SMARCA4: variants seen among roughly 807,000 people sequenced by gnomAD.
SMARCA4 encodes the protein SWI/SNF-related matrix-associated actin-dependent regulator of chromatin subfamily A member 4.
Under a neutral mutation model 193.9 loss-of-function variants are expected in SMARCA4, and 31 were observed. That is an observed-to-expected ratio of 0.16 (90% CI 0.12 to 0.22). The LOEUF is 0.22. Among genes scored for constraint, SMARCA4 ranks in the 10% least tolerant of loss-of-function variants. The pLI is 1.00. For synonymous variants in SMARCA4, 942 were observed against 933.1 expected, an observed-to-expected ratio of 1.01 and a Z score of -0.17; for missense variants, 1,148 against 2,296.0, an observed-to-expected ratio of 0.50 and a Z score of 10.22.
chr19:10,968,645 C>G (rs1305649072), intron 1 of SMARCA4, among the ~76,000 whole-genome samples: 1 of 152,148 alleles, frequency 6.6e-6, no homozygotes, highest in African/African-American at 2.4e-5. Flanking sequence ...ACTGTGCTAG[C>G]TCTTGGGAGT....
chr19:11,007,802 G>A (rs2146184679), intron 13 of SMARCA4, 100 bp from the exon 14 acceptor site: 3 of 1,258,844 alleles, frequency 2.4e-6, no homozygotes, highest in Non-Finnish European at 3.5e-6. Flanking sequence ...GGTGAGGGCT[G>A]TAAGAAGATC....
At position 11,060,151 on chromosome 19, in the gene SMARCA4, C is replaced by A. The variant is rs146427223; in HGVS notation, c.4875C>A (p.Val1625=). The A allele has an allele frequency of 6.4e-7, 1 of 1,551,168 alleles. No individual in the cohort carries two copies. Among genetic ancestry groups the A allele is most frequent in the Non-Finnish European group, 8.7e-7 (1 of 1,146,704 alleles). ...RPSRGSRAKP[V]VSDDDSEEEQ... ...GCCGAGGGTCCCGAGCCAAGCCGGT[C>A]GTGAGTGACGATGACAGTGAGGAGG... is the stretch of plus-strand genomic sequence containing the variant. Residue 1625 remains valine (V), a synonymous_variant, in exon 34 of 35, where the codon GTC becomes GTA. Coordinates refer to ENST00000344626, the MANE Select transcript of SMARCA4 (RefSeq NM_003072.5).
chr19:11,035,161 C>T (rs773632185), intron 29 of SMARCA4, 29 bp downstream of exon 29: 29 of 1,589,140 alleles, frequency 1.8e-5, no homozygotes, highest in Middle Eastern at 3.6e-4. Flanking sequence ...CAGCAGCTGC[C>T]GCAGGCCAGC....
chr19:10,995,899 C>T, intron 9 of SMARCA4: 2 of 440,116 alleles, frequency 4.5e-6, no homozygotes, highest in Non-Finnish European at 8.6e-6. Flanking sequence ...AGGGATGCAC[C>T]TTGGACTTGG....
intron 8 of SMARCA4, among the ~76,000 whole-genome samples, chr19:10,992,853 A>G (rs2086676014): frequency 6.6e-6 from 1 of 151,976 alleles, no homozygotes; most frequent in Non-Finnish European, 1.5e-5. Flanking sequence ...GGCTTCCCAA[A>G]GTGCTGGGAT....
At chr19:10,973,674 A>T (rs1380976338) in intron 1 of SMARCA4, among the ~76,000 whole-genome samples, 1 of 148,148 alleles carries the variant, frequency 6.8e-6, no homozygotes, top group East Asian at 2.0e-4. Flanking sequence ...GGTTCACACC[A>T]TTCTCCTGCC....
chr19:10,989,051 A>G (rs1179754852), intron 6 of SMARCA4, among the ~76,000 whole-genome samples: 2 of 152,248 alleles, frequency 1.3e-5, no homozygotes, highest in Non-Finnish European at 2.9e-5. Context: ...GCCTGACGCC[A>G]GAACCTGGCT....
intron 1 of SMARCA4, among the ~76,000 whole-genome samples, chr19:10,967,509 A>G (rs1344114652): frequency 6.7e-6 from 1 of 150,296 alleles, no homozygotes; most frequent in Non-Finnish European, 1.5e-5. Flanking sequence ...ACGGGGTTTC[A>G]CCATGTTAGC....
chr19:11,060,373 C>A lies in SMARCA4; in HGVS notation c.4911+186C>A. ...TATGTGGCAGGGCTGCCACTCAAAG[C>A]CAAGCCTGTGTGACCCCGGAACCAG... is the stretch of plus-strand genomic sequence containing the variant. On this transcript the variant is annotated intron_variant, in intron 34 of 34. Transcript: ENST00000344626. The A allele has an allele frequency of 4.1e-6, 3 of 736,222 alleles. 1 individual carries two copies. 45.6% of individuals were successfully genotyped at this position (736,222 alleles called of 1,614,324 possible).
intron 1 of SMARCA4, among the ~76,000 whole-genome samples, chr19:10,965,611 G>A (rs1291174333): frequency 3.9e-5 from 6 of 152,154 alleles, no homozygotes; most frequent in Non-Finnish European, 8.8e-5. Flanking sequence ...AGATGATAGA[G>A]TGTGCTTACA....
chr19:10,970,521 G>A (rs1046821953), intron 1 of SMARCA4, among the ~76,000 whole-genome samples: 2 of 152,186 alleles, frequency 1.3e-5, no homozygotes, highest in African/African-American at 4.8e-5. Context: ...CTGGGCTCAT[G>A]TCATGCTCCC....
chr19:11,009,008 T>TTTTTTTTTTTTTTC, intron 14 of SMARCA4, among the ~76,000 whole-genome samples: 1 of 8,934 alleles, frequency 1.1e-4, no homozygotes, highest in African/African-American at 2.0e-4. Context: ...TAAAAGTCAC[T>TTTTTTTTTTTTTTC]TTTTTTTTTT....
chr19:10,988,000 T>TAG lies in SMARCA4; in HGVS notation c.1118+76_1118+77insAG. 6.7e-7 allele frequency: 1 copy of TAG among 1,488,858 alleles called. No homozygotes were observed. The highest frequency in any genetic ancestry group is 9.2e-7 in the Non-Finnish European group (1 of 1,081,366). The allele number at this position is 1,488,858 out of a possible 1,614,324, so 92.2% of individuals were successfully genotyped here. ...CCCCTGGGGAAGCCACTCAACTTTC[T>TAG]CCCCCACTCTAGCAAACAGTGCCCT... On this transcript the variant is annotated intron_variant, in intron 6 of 34. Transcript: ENST00000344626. This position sits in a 1 kb window ranked among gnomAD's most constrained non-coding sequence, Gnocchi z 5.3.
chr19:11,042,595 A>G (rs761044810), intron 30 of SMARCA4, among the ~76,000 whole-genome samples: 14 of 152,256 alleles, frequency 9.2e-5, no homozygotes, highest in Non-Finnish European at 1.9e-4. Context: ...TGGAGGGGAA[A>G]GTGAAGGGAG....
At chr19:10,990,926 C>A (rs539173633) in intron 7 of SMARCA4, among the ~76,000 whole-genome samples, 1 of 152,322 alleles carries the variant, frequency 6.6e-6, no homozygotes, top group East Asian at 1.9e-4. Flanking sequence ...AGCTGGAGGT[C>A]CGAGAGGACC....
Position 11,058,910 on chromosome 19 carries a change from T to G in SMARCA4, c.4635+21T>G, listed in dbSNP as rs572821652. 2.1e-5 allele frequency: 33 copies of G among 1,587,984 alleles called. No homozygotes were observed. The South Asian group carries it at 3.6e-4, about 18-fold the overall frequency. On this transcript the variant is annotated intron_variant, in intron 32 of 34. Transcript: ENST00000344626. The surrounding 1 kb of genome is among the most constrained non-coding windows in gnomAD (Gnocchi z 5.8). ...CCCTGGTGAGGGCACCGCTGGGGGT[T>G]GGGGATGGGCCACTCCCACAGCTGG...
intron 32 of SMARCA4, 97 bp from the exon 33 acceptor site, chr19:11,059,656 G>C (rs1017077325): frequency 3.8e-5 from 53 of 1,391,950 alleles, no homozygotes; most frequent in Non-Finnish European, 4.8e-5. Flanking sequence ...CAGCTGTCCA[G>C]GGGCAACACA....
intron 16 of SMARCA4, among the ~76,000 whole-genome samples, chr19:11,014,962 G>A (rs1219708462): frequency 6.6e-6 from 1 of 151,888 alleles, no homozygotes; most frequent in Non-Finnish European, 1.5e-5. Context: ...AGAGGCACGC[G>A]CCACCATGTC....
intron 1 of SMARCA4, among the ~76,000 whole-genome samples, chr19:10,962,892 G>C (rs979812992): frequency 2.6e-5 from 4 of 152,098 alleles, no homozygotes; most frequent in African/African-American, 9.7e-5. Context: ...GTTCCCCTCA[G>C]CTACATTCAT....
Sources: allele counts gnomAD v4.1 joint callset (sites outside exome capture counted in the v4.1 genomes callset), GRCh38; gene constraint gnomAD v4.1.1; non-coding constraint Gnocchi (gnomAD v3.1); transcripts MANE v1.5; gene names NCBI Gene and HGNC (gene_info 2026-07-23, HGNC 2026-07-21).